The following MCM9 variants were observed in gnomAD, a reference collection of about 807,000 sequenced individuals.
MCM9 encodes the protein minichromosome maintenance 9 homologous recombination repair factor, also known as DNA helicase MCM9.
In MCM9, 55 loss-of-function variants were observed where a neutral mutation model predicts 72.8. That is an observed-to-expected ratio of 0.76 (90% confidence interval 0.61 to 0.95). The LOEUF (loss-of-function observed/expected upper bound fraction) is 0.95. Among genes scored for constraint, MCM9 ranks in the 40% least tolerant of loss-of-function variants. MCM9 has a pLI of 0.00. For missense variants in MCM9, 1,279 were observed against 1,377.0 expected, an observed-to-expected ratio of 0.93 and a Z score of 1.13; for synonymous variants, 480 against 503.4, an observed-to-expected ratio of 0.95 and a Z score of 0.62.
At chr6:118,821,485 G>A (rs1379851502) in intron 13 of MCM9, among the ~76,000 whole-genome samples, 1 of 152,202 alleles carries the variant, frequency 6.6e-6, no homozygotes, top group Non-Finnish European at 1.5e-5. Flanking sequence ...TCTGCCGAGA[G>A]ATCTGCGGTT....
chr6:118,835,037 G>A (rs1270891435), intron 9 of MCM9, among the ~76,000 whole-genome samples: 1 of 152,120 alleles, frequency 6.6e-6, no homozygotes, highest in East Asian at 1.9e-4. Flanking sequence ...AAGGTGTAAG[G>A]AAGGGGTCCA....
intron 9 of MCM9, among the ~76,000 whole-genome samples, chr6:118,837,742 C>G (rs147512049): frequency 1.3e-3 from 199 of 152,180 alleles, no homozygotes; most frequent in African/African-American, 4.5e-3. Flanking sequence ...TTATTTTGAG[C>G]CTATGTGTGT....
At chr6:118,916,730 G>C (rs1024102132) in intron 6 of MCM9, among the ~76,000 whole-genome samples, 4 of 152,084 alleles carry the variant, frequency 2.6e-5, no homozygotes, top group Non-Finnish European at 5.9e-5. Flanking sequence ...TCAAACTCCT[G>C]ACCTCAAGTG....
chr6:118,922,477 G>T (rs1389011389), intron 4 of MCM9, among the ~76,000 whole-genome samples: 1 of 152,162 alleles, frequency 6.6e-6, no homozygotes, highest in Non-Finnish European at 1.5e-5. Context: ...CAGAACCCTA[G>T]TTTTATTCCA....
chr6:118,917,475 A>G (rs530573643), intron 6 of MCM9, 86 bp downstream of exon 6: 3 of 1,303,926 alleles, frequency 2.3e-6, no homozygotes, highest in East Asian at 2.3e-5. Flanking sequence ...TATGCGGCAT[A>G]TAAGACTGTC....
intron 8 of MCM9, chr6:118,908,271 C>T (rs1305270393): frequency 7.2e-5 from 11 of 152,026 alleles, no homozygotes; most frequent in African/African-American, 2.7e-4. Flanking sequence ...GGTTTTTGTT[C>T]TTATAACAGA....
intron 8 of MCM9, among the ~76,000 whole-genome samples, chr6:118,888,890 A>G (rs1778775294): frequency 6.6e-6 from 1 of 152,198 alleles, no homozygotes; most frequent in Admixed American, 6.5e-5. Flanking sequence ...ATAGAGACAA[A>G]AAGTAATTCA....
intron 9 of MCM9, among the ~76,000 whole-genome samples, chr6:118,843,786 C>T (rs915148575): frequency 1.3e-4 from 19 of 143,956 alleles, no homozygotes; most frequent in African/African-American, 4.4e-4. Context: ...TATTCTGATC[C>T]GGCGGTTTGC....
chr6:118,857,582 T>C (rs553727123), intron 8 of MCM9, among the ~76,000 whole-genome samples: 1 of 107,666 alleles, frequency 9.3e-6, no homozygotes, highest in Non-Finnish European at 1.8e-5. Flanking sequence ...ACGTTAAGAA[T>C]AACTATTGTT....
intron 8 of MCM9, among the ~76,000 whole-genome samples, chr6:118,897,287 A>C (rs1779487184): frequency 6.6e-6 from 1 of 152,184 alleles, no homozygotes; most frequent in South Asian, 2.1e-4. Context: ...TTGCTTCAGA[A>C]AAAGCCTTGA....
chr6:118,825,507 C>T (rs962127109), intron 13 of MCM9, among the ~76,000 whole-genome samples: 3 of 152,110 alleles, frequency 2.0e-5, no homozygotes, highest in African/African-American at 7.2e-5. Context: ...CACCAGACCC[C>T]GGCTTTGAGA....
intron 3 of MCM9, among the ~76,000 whole-genome samples, chr6:118,927,086 C>A (rs533946844): frequency 4.5e-4 from 69 of 152,238 alleles, no homozygotes; most frequent in African/African-American, 1.6e-3. Context: ...TTCCTTGGCC[C>A]TAAAGAAATA....
intron 9 of MCM9, among the ~76,000 whole-genome samples, chr6:118,845,679 A>G (rs1366015807): frequency 2.0e-5 from 3 of 151,886 alleles, no homozygotes; most frequent in Non-Finnish European, 2.9e-5. Flanking sequence ...ATAGTCTACA[A>G]TAAACCATCC....
chr6:118,843,351 G>C (rs1450706028), intron 9 of MCM9, among the ~76,000 whole-genome samples: 2 of 151,704 alleles, frequency 1.3e-5, no homozygotes, highest in African/African-American at 4.8e-5. Flanking sequence ...ATCTCTGGCT[G>C]GGTGCAGTGG....
intron 8 of MCM9, among the ~76,000 whole-genome samples, chr6:118,865,390 G>A (rs1777154365): frequency 6.6e-6 from 1 of 152,082 alleles, no homozygotes; most frequent in East Asian, 1.9e-4. Context: ...ACTACTCTTA[G>A]CTCTGACAGC....
Position 118,826,878 on chromosome 6 carries a change from A to C in MCM9, c.1733-14T>G. 2 of 1,542,492 alleles carry C rather than the reference A, an allele frequency of 1.3e-6. No individual in the cohort carries two copies. The highest frequency in any genetic ancestry group is 2.4e-5 in the South Asian group (2 of 82,654). ...GGCGAGCATGAGCTAAGAAAACAAA[A>C]CACATTTGTTTTTTAGGAATATTTG... On this transcript the variant is annotated splice_polypyrimidine_tract_variant and intron_variant, in intron 11 of 13. Transcript: ENST00000619706.
chr6:118,859,005 C>T (rs1027660018), intron 8 of MCM9, among the ~76,000 whole-genome samples: 1 of 152,124 alleles, frequency 6.6e-6, no homozygotes, highest in Non-Finnish European at 1.5e-5. Context: ...GGAGGTCTCA[C>T]ATGACATACT....
intron 8 of MCM9, among the ~76,000 whole-genome samples, chr6:118,864,288 TGTAA>T (rs1373603546): frequency 1.1e-4 from 16 of 152,134 alleles, no homozygotes; most frequent in African/African-American, 2.2e-4. Context: ...AGCTTCTACT[TGTAA>T]GTGAGAACAA....
chr6:118,828,283 C>T (rs1282050108), intron 10 of MCM9, among the ~76,000 whole-genome samples, 153 bp from the exon 11 acceptor site: 1 of 152,152 alleles, frequency 6.6e-6, no homozygotes, highest in East Asian at 1.9e-4. Flanking sequence ...AGCATACAAT[C>T]AGCATCTTAT....
Sources: allele counts gnomAD v4.1 joint callset (sites outside exome capture counted in the v4.1 genomes callset), GRCh38; gene constraint gnomAD v4.1.1; transcripts MANE v1.5; gene names NCBI Gene and HGNC (gene_info 2026-07-23, HGNC 2026-07-21).